The following EGFR variants were observed in gnomAD, a reference collection of about 807,000 sequenced individuals.
The protein encoded by EGFR is avian erythroblastic leukemia viral (v-erb-b) oncogene homolog.
A neutral mutation model predicts 143.0 loss-of-function variants in EGFR; 58 were observed. The observed-to-expected ratio is 0.41, with a 90% CI of 0.33 to 0.50. The LOEUF is 0.50. EGFR is among the 20% of genes least tolerant of loss of function. The pLI is 0.39. For missense variants in EGFR, 1,307 were observed against 1,579.0 expected, an observed-to-expected ratio of 0.83 and a Z score of 2.92; for synonymous variants, 613 against 594.4, an observed-to-expected ratio of 1.03 and a Z score of -0.45.
At position 55,019,300 on chromosome 7, in the gene EGFR, G is replaced by A. The variant is rs1786368377; in HGVS notation, c.23G>A (p.Gly8Glu). The change falls in exon 1 of 28, where the codon GGG becomes GAG. Residue 8 changes from glycine to glutamate, a missense_variant. Gly to Glu is a moderately conservative substitution (Grantham distance 98, BLOSUM62 -2). Coordinates refer to ENST00000275493, the MANE Select transcript of EGFR (RefSeq NM_005228.5). ...GCGATGCGACCCTCCGGGACGGCCG[G>A]GGCAGCGCTCCTGGCGCTGCTGGCT... Reference protein sequence around the residue: MRPSGTAGAALLALLAAL... With the variant: MRPSGTAEAALLALLAAL... The A allele has an allele frequency of 4.0e-6, 6 of 1,515,100 alleles. No homozygotes were observed. Among genetic ancestry groups the A allele is most frequent in the Non-Finnish European group, 4.4e-6 (5 of 1,127,318 alleles). The allele number at this position is 1,515,100 out of a possible 1,614,324, so 93.9% of individuals were successfully genotyped here.
chr7:55,177,432 C>T (rs368576845), intron 19 of EGFR, among the ~76,000 whole-genome samples: 3 of 152,220 alleles, frequency 2.0e-5, no homozygotes, highest in Admixed American at 6.5e-5. Context: ...TCCATACTCA[C>T]GTTCCCCTGC....
At chr7:55,131,027 T>C (rs549891833) in intron 1 of EGFR, among the ~76,000 whole-genome samples, 2 of 152,330 alleles carry the variant, frequency 1.3e-5, no homozygotes, top group East Asian at 3.9e-4. Context: ...CAGACTCAAG[T>C]CTGACTAAGG....
At chr7:55,058,335 A>G (rs1164767255) in intron 1 of EGFR, among the ~76,000 whole-genome samples, 1 of 152,100 alleles carries the variant, frequency 6.6e-6, no homozygotes, top group East Asian at 1.9e-4. Context: ...CGGAGTTTGC[A>G]GTGAACAGAG....
intron 1 of EGFR, among the ~76,000 whole-genome samples, chr7:55,090,203 G>A (rs1376684097): frequency 2.0e-5 from 3 of 152,108 alleles, no homozygotes; most frequent in East Asian, 1.9e-4. Context: ...TCCTGACCTC[G>A]TGATCCACCC....
intron 27 of EGFR, among the ~76,000 whole-genome samples, chr7:55,204,925 CAT>C (rs1788050036): frequency 6.6e-6 from 1 of 151,414 alleles, no homozygotes; most frequent in African/African-American, 2.4e-5. Context: ...CATACACACA[CAT>C]ATACACACAC....
chr7:55,157,098 A>G (rs1345314806), intron 10 of EGFR: 2 of 782,250 alleles, frequency 2.6e-6, no homozygotes, highest in African/African-American at 3.5e-5. Flanking sequence ...GGTGGCCCAT[A>G]ACCCCTGAGG....
intron 1 of EGFR, among the ~76,000 whole-genome samples, chr7:55,070,606 A>G (rs934763338): frequency 1.3e-5 from 2 of 152,252 alleles, no homozygotes; most frequent in African/African-American, 4.8e-5. Context: ...CCTCCAGTCC[A>G]ACAGTTGCCT....
intron 1 of EGFR, among the ~76,000 whole-genome samples, chr7:55,029,414 G>C (rs1454317141): frequency 1.3e-5 from 2 of 151,674 alleles, no homozygotes; most frequent in Non-Finnish European, 2.9e-5. Context: ...TTCCTTCCTT[G>C]CTTTCTTTCT....
At chr7:55,064,544 T>C (rs1789387232) in intron 1 of EGFR, among the ~76,000 whole-genome samples, 1 of 152,248 alleles carries the variant, frequency 6.6e-6, no homozygotes, top group African/African-American at 2.4e-5. Flanking sequence ...GTGATTCCAC[T>C]GACATTTATG....
At chr7:55,110,958 G>T (rs1792444978) in intron 1 of EGFR, among the ~76,000 whole-genome samples, 1 of 152,184 alleles carries the variant, frequency 6.6e-6, no homozygotes, top group East Asian at 1.9e-4. Flanking sequence ...TCCAGCGAAT[G>T]GAGTTTTGGG....
rs1327473730 is a variant in EGFR at position 55,170,821 on chromosome 7, T to C, written c.1881-354T>C. 35 of 1,418,418 alleles carry C rather than the reference T, an allele frequency of 2.5e-5. No homozygotes were observed. The Admixed American group carries it at 1.0e-3, about 41-fold the overall frequency. 87.9% of individuals were successfully genotyped at this position (1,418,418 alleles called of 1,614,324 possible). A position where few individuals can be genotyped will look rare whatever the true frequency, so the allele number is the denominator to read the frequency against. ...TTAGCATGGCCCCAGTCCATGCTTC[T>C]AGCCTTGGTTCCTTCTGCCCCTCTG... On this transcript the variant is annotated intron_variant, in intron 15 of 27. Transcript: ENST00000275493.
At chr7:55,085,661 C>G (rs960975595) in intron 1 of EGFR, among the ~76,000 whole-genome samples, 1 of 152,208 alleles carries the variant, frequency 6.6e-6, no homozygotes, top group African/African-American at 2.4e-5. Flanking sequence ...CTGGTTTTAG[C>G]CATACCATAA....
At chr7:55,057,979 A>G (rs1020306688) in intron 1 of EGFR, among the ~76,000 whole-genome samples, 7 of 152,362 alleles carry the variant, frequency 4.6e-5, no homozygotes, top group Middle Eastern at 6.8e-3. Context: ...ATTAGCCGAA[A>G]CAAGAGCTGC....
rs2128926504 is a variant in EGFR, at chr7:55,142,456, C to T, written c.240+19C>T. ...CTTAAAGGTTGGTGACTTTGATTTTCCTACACAAATAAAATTGGAGAAAAT... is the reference window on the plus strand; with the variant it reads ...CTTAAAGGTTGGTGACTTTGATTTTTCTACACAAATAAAATTGGAGAAAAT... On this transcript the variant is annotated intron_variant, in intron 2 of 27. Transcript: ENST00000275493. 1 of 1,613,248 alleles carries T rather than the reference C, an allele frequency of 6.2e-7. No homozygotes were observed. The highest frequency in any genetic ancestry group is 8.5e-7 in the Non-Finnish European group (1 of 1,179,928).
chr7:55,027,096 A>T (rs1786936818), intron 1 of EGFR, among the ~76,000 whole-genome samples: 1 of 152,190 alleles, frequency 6.6e-6, no homozygotes, highest in South Asian at 2.1e-4. Flanking sequence ...GGCACATCGC[A>T]TGCTGGGATC....
chr7:55,074,835 G>A lies in EGFR; in HGVS notation c.88+55470G>A, dbSNP rs147942265. On this transcript the variant is annotated intron_variant, in intron 1 of 27. Transcript: ENST00000275493. ...ACCTGTCATTCTAATTACCAAGCAC[G>A]GTGTTCTCTTTGGAAGATCATTTCA... Among the ~76,000 whole-genome samples, 8 of 152,232 alleles carry A rather than the reference G, an allele frequency of 5.3e-5. No individual in the cohort carries two copies. The South Asian group carries it at 1.0e-3, about 20-fold the overall frequency.
intron 13 of EGFR, among the ~76,000 whole-genome samples, 188 bp downstream of exon 13, chr7:55,161,819 G>A (rs979613900): frequency 2.0e-5 from 3 of 152,178 alleles, no homozygotes; most frequent in South Asian, 2.1e-4. Flanking sequence ...GCAAATTTAA[G>A]CACAATAGGA....
intron 1 of EGFR, among the ~76,000 whole-genome samples, chr7:55,085,772 A>G (rs1351622004): frequency 6.6e-6 from 1 of 152,166 alleles, no homozygotes; most frequent in African/African-American, 2.4e-5. Flanking sequence ...TGCTGGCACT[A>G]GGTATTTTAC....
At chr7:55,109,026 A>G (rs974393484) in intron 1 of EGFR, among the ~76,000 whole-genome samples, 25 of 152,214 alleles carry the variant, frequency 1.6e-4, no homozygotes, top group African/African-American at 5.3e-4. Context: ...TGAGACTGCA[A>G]TAGAGTGATA....
Sources: gnomAD v4.1 joint callset for allele counts (sites outside exome capture counted in the v4.1 genomes callset) on GRCh38, gnomAD v4.1.1 for gene constraint, MANE v1.5 for transcripts, NCBI Gene and HGNC (gene_info 2026-07-23, HGNC 2026-07-21) for gene names.